The following DCAF6 variants were observed in gnomAD, a reference collection of about 807,000 sequenced individuals.
DCAF6 encodes the protein DDB1 and CUL4 associated factor 6.
In DCAF6, 54 loss-of-function variants were observed where a neutral mutation model predicts 125.1. The observed-to-expected ratio is 0.43, with a 90% confidence interval of 0.35 to 0.54. DCAF6 has a LOEUF of 0.54. Ranked by LOEUF, DCAF6 falls within the 20% of genes least tolerant of loss-of-function variation. DCAF6 has a pLI of 0.01. For synonymous variants in DCAF6, 371 were observed against 390.4 expected (o/e 0.95, Z 0.58); for missense variants, 934 against 1,161.7 (o/e 0.80, Z 2.85).
At chr1:168,041,934 A>ACACACACAC (rs1688595630) in intron 13 of DCAF6, among the ~76,000 whole-genome samples, 1 of 150,692 alleles carries the variant, frequency 6.6e-6, no homozygotes, top group African/African-American at 2.4e-5. Flanking sequence ...ACACACACAC[A>ACACACACAC]AATTCAGTAT....
chr1:168,066,687 A>G (rs1558053547), intron 20 of DCAF6, among the ~76,000 whole-genome samples: 1 of 152,214 alleles, frequency 6.6e-6, no homozygotes, highest in Non-Finnish European at 1.5e-5. Context: ...CATCATCGGT[A>G]ACACCAGATT....
chr1:167,875,822 G>A, the DCAF6 span, among the ~76,000 whole-genome samples: 3 of 152,054 alleles, frequency 2.0e-5, no homozygotes, highest in Non-Finnish European at 4.4e-5. Flanking sequence ...GCATGGTGGC[G>A]GTTGCCTGTA....
At chr1:168,054,745 T>C (rs1306042206) in intron 17 of DCAF6, among the ~76,000 whole-genome samples, 1 of 152,128 alleles carries the variant, frequency 6.6e-6, no homozygotes, top group African/African-American at 2.4e-5. Context: ...AATGAGGTTT[T>C]CTTTTCTAAG....
At chr1:167,940,944 G>A (rs984555254) in intron 1 of DCAF6, among the ~76,000 whole-genome samples, 12 of 152,158 alleles carry the variant, frequency 7.9e-5, no homozygotes, top group African/African-American at 2.7e-4. Context: ...TATGAAGTCA[G>A]TGTCCTTTGA....
chr1:167,978,895 G>A (rs893149354), intron 4 of DCAF6, among the ~76,000 whole-genome samples: 5 of 152,078 alleles, frequency 3.3e-5, no homozygotes, highest in Non-Finnish European at 7.4e-5. Flanking sequence ...GGGCTCAAGC[G>A]ATCCTCCTGC....
At chr1:167,965,574 CAA>C (rs1676267774) in intron 2 of DCAF6, among the ~76,000 whole-genome samples, 1 of 152,060 alleles carries the variant, frequency 6.6e-6, no homozygotes, top group African/African-American at 2.4e-5. Flanking sequence ...AAGTTAAAAT[CAA>C]ATCACAAAAA....
chr1:167,883,099 G>T, the DCAF6 span, among the ~76,000 whole-genome samples: 1 of 152,336 alleles, frequency 6.6e-6, no homozygotes, highest in African/African-American at 2.4e-5. Context: ...GCGCAGTGGT[G>T]CGATCTCGGC....
upstream of DCAF6, among the ~76,000 whole-genome samples, chr1:167,932,635 C>T (rs1455668456): frequency 4.0e-5 from 6 of 151,842 alleles, no homozygotes; most frequent in African/African-American, 1.5e-4. Flanking sequence ...ATGGGGAAAC[C>T]CCATCTCTAC....
the DCAF6 span, among the ~76,000 whole-genome samples, chr1:167,873,091 T>C: frequency 2.6e-5 from 4 of 151,698 alleles, no homozygotes; most frequent in Non-Finnish European, 4.4e-5. Context: ...AAAAGAAATA[T>C]CCACATAATG....
chr1:167,883,830 T>C, the DCAF6 span, among the ~76,000 whole-genome samples: 1 of 152,174 alleles, frequency 6.6e-6, no homozygotes, highest in South Asian at 2.1e-4. Flanking sequence ...GACTTATGCA[T>C]GTGCTAATTT....
At chr1:167,923,301 CCAAT>C in the DCAF6 span, among the ~76,000 whole-genome samples, 1 of 152,046 alleles carries the variant, frequency 6.6e-6, no homozygotes. Context: ...AACCAATTGT[CCAAT>C]CAACATATAG....
At chr1:168,020,040 A>G (rs1351862724) in intron 11 of DCAF6, 11 of 152,568 alleles carry the variant, frequency 7.2e-5, no homozygotes, top group Non-Finnish European at 2.9e-5. Flanking sequence ...AAGTTTAAAC[A>G]TAATACGCTC....
At chr1:167,866,033 CTTG>C in the DCAF6 span, among the ~76,000 whole-genome samples, 2 of 152,176 alleles carry the variant, frequency 1.3e-5, no homozygotes, top group Non-Finnish European at 2.9e-5. Context: ...CTTAGGATTC[CTTG>C]GAGACCTGAA....
the DCAF6 span, chr1:167,883,324 C>T: frequency 1.6e-6 from 2 of 1,219,128 alleles, no homozygotes; most frequent in Admixed American, 1.7e-5. Flanking sequence ...AGGCGTGAGC[C>T]ACCACGCCCA....
chr1:168,027,094 T>A (rs557353725), intron 12 of DCAF6, among the ~76,000 whole-genome samples: 1 of 152,248 alleles, frequency 6.6e-6, no homozygotes, highest in South Asian at 2.1e-4. Flanking sequence ...CCAGAAAGTC[T>A]GATAAATCAT....
intron 3 of DCAF6, among the ~76,000 whole-genome samples, chr1:167,967,358 A>G (rs532915098): frequency 3.9e-5 from 6 of 152,318 alleles, no homozygotes; most frequent in Admixed American, 3.3e-4. Flanking sequence ...ATAATTTTCT[A>G]ACTCTCAAGT....
chr1:168,016,720 T>TA (rs1157003908), intron 11 of DCAF6, among the ~76,000 whole-genome samples: 4 of 152,100 alleles, frequency 2.6e-5, no homozygotes, highest in African/African-American at 7.2e-5. Flanking sequence ...CTTAGTTATT[T>TA]CAAGATGGGT....
At chr1:168,052,598 C>T (rs899496048) in intron 17 of DCAF6, among the ~76,000 whole-genome samples, 1 of 152,146 alleles carries the variant, frequency 6.6e-6, no homozygotes, top group African/African-American at 2.4e-5. Flanking sequence ...TAAACTTCTG[C>T]TTAAGATAGA....
At chr1:168,022,880 C>A in intron 11 of DCAF6, 108 bp from the exon 12 acceptor site, 2 of 987,308 alleles carry the variant, frequency 2.0e-6, no homozygotes, top group Non-Finnish European at 3.2e-6. Flanking sequence ...GTACTTACTT[C>A]TATTCCGCAG....
Sources: allele counts gnomAD v4.1 joint callset (sites outside exome capture counted in the v4.1 genomes callset), GRCh38; gene constraint gnomAD v4.1.1; transcripts MANE v1.5; gene names NCBI Gene and HGNC (gene_info 2026-07-23, HGNC 2026-07-21).